Variants in LOC128462377 observed in about 807,000 individuals in gnomAD.
At chr16:89,378,375 TATA>T in the LOC128462377 span, among the ~76,000 whole-genome samples, 2 of 152,212 alleles carry the variant, frequency 1.3e-5, no homozygotes, top group Non-Finnish European at 2.9e-5. Context: ...ACCAAACATA[TATA>T]ATGATTTCAT....
the LOC128462377 span, among the ~76,000 whole-genome samples, chr16:89,406,248 G>A: frequency 1.9e-4 from 29 of 152,112 alleles, no homozygotes; most frequent in African/African-American, 5.3e-4. Flanking sequence ...TCTGAGAGTC[G>A]GCACCCACAC....
the LOC128462377 span, among the ~76,000 whole-genome samples, chr16:89,327,541 C>G: frequency 6.6e-6 from 1 of 152,144 alleles, no homozygotes; most frequent in Admixed American, 6.5e-5. Context: ...AATCCAAGAT[C>G]AACACACAAA....
chr16:89,327,186 G>A, the LOC128462377 span, among the ~76,000 whole-genome samples: 4 of 152,174 alleles, frequency 2.6e-5, no homozygotes, highest in Non-Finnish European at 5.9e-5. Flanking sequence ...ATCAGTCAAC[G>A]TCACCCAGCA....
the LOC128462377 span, among the ~76,000 whole-genome samples, chr16:89,319,253 C>G: frequency 6.6e-6 from 1 of 152,194 alleles, no homozygotes; most frequent in Non-Finnish European, 1.5e-5. Flanking sequence ...TGGGCCCCGA[C>G]AGTGCGGGGC....
the LOC128462377 span, among the ~76,000 whole-genome samples, chr16:89,416,312 T>TC: frequency 6.6e-6 from 1 of 152,006 alleles, no homozygotes; most frequent in Non-Finnish European, 1.5e-5. Flanking sequence ...TTTTTTTTTT[T>TC]CCCCAGAGAC....
At chr16:89,386,577 G>A in the LOC128462377 span, among the ~76,000 whole-genome samples, 4 of 152,246 alleles carry the variant, frequency 2.6e-5, no homozygotes, top group Non-Finnish European at 4.4e-5. Flanking sequence ...CCTGCAAGAT[G>A]CCCGCGGGGA....
At chr16:89,406,341 C>T in the LOC128462377 span, among the ~76,000 whole-genome samples, 28 of 152,154 alleles carry the variant, frequency 1.8e-4, no homozygotes, top group African/African-American at 2.2e-4. Context: ...ACGGCGGGCA[C>T]GGGAAACCCA....
the LOC128462377 span, among the ~76,000 whole-genome samples, chr16:89,319,749 C>T: frequency 1.3e-5 from 2 of 152,270 alleles, no homozygotes; most frequent in Non-Finnish European, 2.9e-5. Context: ...GCCCAGGCTA[C>T]ACCTCCCAGG....
the LOC128462377 span, among the ~76,000 whole-genome samples, chr16:89,384,446 C>T: frequency 1.3e-5 from 2 of 151,448 alleles, no homozygotes; most frequent in Non-Finnish European, 2.9e-5. Flanking sequence ...CAGAGCAGAA[C>T]GGGATGGGAT....
the LOC128462377 span, among the ~76,000 whole-genome samples, chr16:89,330,674 G>T: frequency 0.05 from 1,508 of 30,364 alleles, 209 homozygotes; most frequent in African/African-American, 0.16. Context: ...GGGGGGGGGG[G>T]GCGGGGGCGG....
At chr16:89,349,459 G>A in the LOC128462377 span, among the ~76,000 whole-genome samples, 9 of 152,224 alleles carry the variant, frequency 5.9e-5, 1 homozygote, top group South Asian at 1.9e-3. Flanking sequence ...CAGCCTGGGC[G>A]ACAGAGCGAG....
chr16:89,364,725 C>T, the LOC128462377 span, among the ~76,000 whole-genome samples: 6 of 152,212 alleles, frequency 3.9e-5, no homozygotes, highest in South Asian at 2.1e-4. Context: ...CCATGGGCCG[C>T]GGGCTGGACA....
the LOC128462377 span, among the ~76,000 whole-genome samples, chr16:89,398,461 G>A: frequency 7.2e-6 from 1 of 138,440 alleles, no homozygotes; most frequent in African/African-American, 2.8e-5. Context: ...AAGATTACCT[G>A]TAACCTCAGC....
the LOC128462377 span, among the ~76,000 whole-genome samples, chr16:89,416,333 T>G: frequency 1.2e-4 from 19 of 152,142 alleles, no homozygotes; most frequent in East Asian, 3.7e-3. Flanking sequence ...AGAGTCTTGC[T>G]CTGTCGCCCA....
chr16:89,402,215 G>T, the LOC128462377 span, among the ~76,000 whole-genome samples: 1 of 152,162 alleles, frequency 6.6e-6, no homozygotes, highest in Non-Finnish European at 1.5e-5. Flanking sequence ...TTCCAACAAA[G>T]GCAGGCGAAA....
the LOC128462377 span, among the ~76,000 whole-genome samples, chr16:89,334,861 T>C: frequency 8.6e-5 from 13 of 152,016 alleles, no homozygotes; most frequent in Admixed American, 6.5e-4. Context: ...GACAGCACAC[T>C]GGATTCGAAG....
chr16:89,415,191 T>C, the LOC128462377 span, among the ~76,000 whole-genome samples: 1 of 151,164 alleles, frequency 6.6e-6, no homozygotes, highest in Non-Finnish European at 1.5e-5. Context: ...TGAGCTCAAG[T>C]GATCTACCCA....
chr16:89,368,387 T>G, the LOC128462377 span, among the ~76,000 whole-genome samples: 2,977 of 134,862 alleles, frequency 0.022, 41 homozygotes, highest in Middle Eastern at 0.03. Context: ...TTTTTTTTTT[T>G]TTTTTTTTTT....
the LOC128462377 span, among the ~76,000 whole-genome samples, chr16:89,330,443 C>G: frequency 6.6e-6 from 1 of 152,008 alleles, no homozygotes; most frequent in South Asian, 2.1e-4. Context: ...GCAGAAGGCC[C>G]AAATTCCTTG....
Sources: gnomAD v4.1 joint callset for allele counts (sites outside exome capture counted in the v4.1 genomes callset) on GRCh38, gnomAD v4.1.1 for gene constraint, MANE v1.5 for transcripts.